Variants in KCNAB2 observed in about 807,000 individuals in gnomAD.
The protein encoded by KCNAB2 is potassium voltage-gated channel subfamily A regulatory beta subunit 2.
KCNAB2 carries 29 observed loss-of-function variants against 63.6 expected under a neutral mutation model. That is an observed-to-expected ratio of 0.46 (90% confidence interval 0.34 to 0.62). KCNAB2 has a LOEUF of 0.62. Ranked by LOEUF, KCNAB2 falls within the 20% of genes least tolerant of loss-of-function variation. The pLI is 0.01. For missense variants in KCNAB2, 359 were observed against 563.9 expected (o/e 0.64, Z 3.68); for synonymous variants, 222 against 224.2 (o/e 0.99, Z 0.09).
At chr1:6,052,427 C>CAA (rs55970222) in intron 2 of KCNAB2, among the ~76,000 whole-genome samples, 3 of 124,604 alleles carry the variant, frequency 2.4e-5, no homozygotes, top group African/African-American at 8.5e-5. Flanking sequence ...CTCCATTGCG[C>CAA]AAAAAAAAAA....
At position 6,096,514 on chromosome 1, in the gene KCNAB2, TGAG is replaced by T. The variant is rs1665652656; in HGVS notation, c.949-121_949-119del. 7.6e-7 allele frequency: 1 copy of T among 1,322,532 alleles called. No individual in the cohort carries two copies. The highest frequency in any genetic ancestry group is 1.0e-6 in the Non-Finnish European group (1 of 983,198). The allele number at this position is 1,322,532 out of a possible 1,614,324, so 81.9% of individuals were successfully genotyped here. On this transcript the variant is annotated intron_variant, in intron 13 of 15. Transcript: ENST00000378083. The surrounding 1 kb of genome is among the most constrained non-coding windows in gnomAD (Gnocchi z 5.9). ...CAGGGGCACTGCCCTGGCTTCAAGA[TGAG>T]AAGAGCCCCTATGAGGGAGAAGGGT...
chr1:6,083,302 C>G (rs762207808), intron 5 of KCNAB2, among the ~76,000 whole-genome samples: 62 of 152,318 alleles, frequency 4.1e-4, no homozygotes, highest in Admixed American at 1.2e-3. Context: ...CCCACCTCTT[C>G]GCTGCCTGCT....
intron 1 of KCNAB2, chr1:6,034,837 A>G (rs1466725508): frequency 5.3e-5 from 8 of 152,224 alleles, no homozygotes; most frequent in Non-Finnish European, 1.2e-4. Flanking sequence ...TATCTGTTCC[A>G]TGTCTACTAG....
In KCNAB2 at chr1:5,994,858, G is replaced by C. The variant is rs915098269; in HGVS notation, c.-53+2070G>C. On this transcript the variant is annotated intron_variant, in intron 1 of 16. Coordinates refer to the KCNAB2 transcript ENST00000341524. The surrounding 1 kb of genome is among the most constrained non-coding windows in gnomAD (Gnocchi z 5.4). Reference sequence around the variant, plus strand: ...AGACCCAAATGGTTCAGGAGGAAGCGAGTGCCACACAGTTTTGATTTGGCA... The same window carrying C: ...AGACCCAAATGGTTCAGGAGGAAGCCAGTGCCACACAGTTTTGATTTGGCA... 6.6e-6 allele frequency among the ~76,000 whole-genome samples: 1 copy of C among 152,288 alleles called. No individual in the cohort carries two copies. The highest frequency in any genetic ancestry group is 6.5e-5 in the Admixed American group (1 of 15,308).
Position 6,088,235 on chromosome 1 carries a change from T to C in KCNAB2, c.470+724T>C, listed in dbSNP as rs1185881716. On this transcript the variant is annotated intron_variant, in intron 7 of 15. Transcript: ENST00000378083. The stretch of plus-strand genomic sequence containing the variant: ...TTTGTCCTTTTTCTCTCTCTCTCTT[T>C]TTTTTTTTTTTTTTGAGACAGGGTC... 1.3e-3 allele frequency among the ~76,000 whole-genome samples: 193 copies of C among 144,268 alleles called. 1 individual carries two copies. Among genetic ancestry groups the C allele is most frequent in the African/African-American group, 4.1e-3 (163 of 39,578 alleles). The allele number at this position is 144,268 out of a possible 152,430, so 94.6% of individuals were successfully genotyped here.
chr1:6,090,314 C>A, intron 8 of KCNAB2, 75 bp from the exon 9 acceptor site: 3 of 1,037,494 alleles, frequency 2.9e-6, no homozygotes, highest in Non-Finnish European at 4.4e-6. Flanking sequence ...TTCCCTGAGC[C>A]GGGCATGGAT....
At chr1:6,029,721 A>G (rs1041332108), upstream of KCNAB2, among the ~76,000 whole-genome samples, 1 of 152,244 alleles carries the variant, frequency 6.6e-6, no homozygotes, top group African/African-American at 2.4e-5. Context: ...GAATTGCCCA[A>G]GGTCATAGAC....
chr1:6,100,935 T>G lies in KCNAB2; in HGVS notation c.*2361T>G, dbSNP rs964357713. On this transcript the variant is annotated 3_prime_UTR_variant, in exon 16 of 16. Transcript: ENST00000378083. ...CCCCACTGTTTCCCACTCAGCTTTG[T>G]GCTCAGATCCCAGGTCCCAAGGAGT... 2.0e-5 allele frequency: 3 copies of G among 152,306 alleles called. No homozygotes were observed. The highest frequency in any genetic ancestry group is 7.2e-5 in the African/African-American group (3 of 41,478). The allele number at this position is 152,306 out of a possible 1,614,324, so 9.4% of individuals were successfully genotyped here. A position where few individuals can be genotyped will look rare whatever the true frequency, so the allele number is the denominator to read the frequency against.
At chr1:6,051,183 C>G (rs746961353) in intron 1 of KCNAB2, among the ~76,000 whole-genome samples, 6 of 152,260 alleles carry the variant, frequency 3.9e-5, no homozygotes, top group Non-Finnish European at 7.3e-5. Context: ...GCTCTGCATG[C>G]TCTCTGTGCT....
rs983366810 is a variant in KCNAB2, at chr1:6,078,360, C to T, written c.301-3835C>T. 1.3e-5 allele frequency among the ~76,000 whole-genome samples: 2 copies of T among 152,118 alleles called. No homozygotes were observed. The highest frequency in any genetic ancestry group is 2.9e-5 in the Non-Finnish European group (2 of 68,032). ...AAGTCCCTCTTTCTACCTAAGGTCA[C>T]ATTCCCAGGTTCCAGGGACGTGATA... On this transcript the variant is annotated intron_variant, in intron 4 of 15. Transcript: ENST00000378083. The surrounding 1 kb of genome is among the most constrained non-coding windows in gnomAD (Gnocchi z 4.2).
At chr1:6,094,352 T>G in intron 10 of KCNAB2, 48 bp from the exon 11 acceptor site, 1 of 1,473,130 alleles carries the variant, frequency 6.8e-7, no homozygotes, top group Non-Finnish European at 9.4e-7. Flanking sequence ...AGGCTGGCCC[T>G]GAGCCCTGGC....
intron 1 of KCNAB2, among the ~76,000 whole-genome samples, chr1:6,008,126 C>G (rs1657932781): frequency 6.6e-6 from 1 of 152,186 alleles, no homozygotes; most frequent in African/African-American, 2.4e-5. Flanking sequence ...GCCATTAAGA[C>G]CCACAGATTG....
rs533725797 is a variant in KCNAB2 at position 6,094,566 on chromosome 1, G to A, written c.732+81G>A. 772 of 1,217,310 alleles carry A rather than the reference G, an allele frequency of 6.3e-4. 2 individuals carry two copies. The highest frequency in any genetic ancestry group is 8.2e-4 in the Non-Finnish European group (697 of 853,238). The allele number at this position is 1,217,310 out of a possible 1,614,324, so 75.4% of individuals were successfully genotyped here. A position where few individuals can be genotyped will look rare whatever the true frequency, so the allele number is the denominator to read the frequency against. On this transcript the variant is annotated intron_variant, in intron 11 of 15. Coordinates refer to ENST00000378083, the MANE Select transcript of KCNAB2 (RefSeq NM_001199862.2). ...CGTATGGAGACCCCAAAGCTCTGGCGGGGTCTGTGCCTTTGGTCCCAACTG... is the reference window on the plus strand; with the variant it reads ...CGTATGGAGACCCCAAAGCTCTGGCAGGGTCTGTGCCTTTGGTCCCAACTG...
At chr1:6,005,030 G>T (rs1282124265) in intron 1 of KCNAB2, among the ~76,000 whole-genome samples, 11 of 105,188 alleles carry the variant, frequency 1.0e-4, no homozygotes, top group East Asian at 9.2e-4. Flanking sequence ...TGGAGTAGGG[G>T]GACGCGGGGG....
In KCNAB2 at chr1:6,060,992, G is replaced by A. The variant is rs1662266339; in HGVS notation, c.218+9238G>A. Among the ~76,000 whole-genome samples, 5 of 149,668 alleles carry A rather than the reference G, an allele frequency of 3.3e-5. No homozygotes were observed. In the South Asian group the frequency reaches 6.5e-4, roughly 19 times the overall value. ...TCGTTCTGTGCATGAGAGGGCATCC[G>A]CCCCCTTCCACTGCGAGCCTGTTGC... On this transcript the variant is annotated intron_variant, in intron 2 of 15. Transcript: ENST00000378083.
chr1:6,046,744 A>T (rs1038417242), intron 1 of KCNAB2, among the ~76,000 whole-genome samples: 3 of 152,066 alleles, frequency 2.0e-5, no homozygotes, highest in African/African-American at 7.3e-5. Context: ...CTCCCCTTCC[A>T]TTTCCGCTTT....
chr1:6,080,798 C>T (rs1664145133), intron 4 of KCNAB2, among the ~76,000 whole-genome samples: 2 of 152,208 alleles, frequency 1.3e-5, no homozygotes, highest in African/African-American at 4.8e-5. Context: ...CTACTCCGTC[C>T]TCACTCTCCA....
chr1:6,001,079 G>A lies in KCNAB2; in HGVS notation c.-53+8291G>A, dbSNP rs541936550. 3.9e-5 allele frequency among the ~76,000 whole-genome samples: 6 copies of A among 152,292 alleles called. No individual in the cohort carries two copies. The East Asian group carries it at 1.2e-3, about 29-fold the overall frequency. Reference sequence around the variant, plus strand: ...AGACAGCATGGGGTGTCAGGGCACTGCAGGGAGAGGGACAAGGGCAGGTAA... The same window carrying A: ...AGACAGCATGGGGTGTCAGGGCACTACAGGGAGAGGGACAAGGGCAGGTAA... On this transcript the variant is annotated intron_variant, in intron 1 of 16. Transcript: ENST00000341524.
At chr1:6,094,685 G>A (rs553340646) in intron 11 of KCNAB2, among the ~76,000 whole-genome samples, 200 bp downstream of exon 11, 3 of 152,362 alleles carry the variant, frequency 2.0e-5, no homozygotes, top group African/African-American at 7.2e-5. Context: ...ATGGATCCCA[G>A]CGCTGTGTGG....
Sources: gnomAD v4.1 joint callset for allele counts (sites outside exome capture counted in the v4.1 genomes callset) on GRCh38, gnomAD v4.1.1 for gene constraint, Gnocchi (gnomAD v3.1) non-coding constraint, MANE v1.5 for transcripts, NCBI Gene and HGNC (gene_info 2026-07-23, HGNC 2026-07-21) for gene names.